The following SLC35F4 variants were observed in gnomAD, a reference collection of about 807,000 sequenced individuals.
SLC35F4 encodes the protein solute carrier family 35 member F4, also known as chromosome 14 open reading frame 36.
Under a neutral mutation model 44.2 loss-of-function variants are expected in SLC35F4, and 24 were observed. That is an observed-to-expected ratio of 0.54 (90% confidence interval 0.39 to 0.76). The LOEUF (loss-of-function observed/expected upper bound fraction) is 0.76, where lower values mean the gene tolerates loss of function less well. Among genes scored for constraint, SLC35F4 ranks in the 30% least tolerant of loss-of-function variants. The pLI is 0.00. For missense variants in SLC35F4, 562 were observed against 586.1 expected (o/e 0.96, Z 0.42); for synonymous variants, 238 against 223.6 (o/e 1.06, Z -0.57).
At chr14:57,601,979 T>TG (rs1225072741) in intron 1 of SLC35F4, among the ~76,000 whole-genome samples, 3 of 152,222 alleles carry the variant, frequency 2.0e-5, no homozygotes, top group Non-Finnish European at 4.4e-5. Context: ...TGTATCTCAC[T>TG]GCTTTTCCAT....
In SLC35F4 at chr14:57,745,395, C is replaced by G. The variant is rs562488035; in HGVS notation, c.103+120328G>C. Among the ~76,000 whole-genome samples the G allele has an allele frequency of 5.3e-5, 8 of 152,250 alleles. 1 individual carries two copies. The South Asian group carries it at 1.7e-3, about 32-fold the overall frequency. On this transcript the variant is annotated intron_variant, in intron 1 of 7. Coordinates refer to ENST00000556826, the MANE Select transcript of SLC35F4 (RefSeq NM_001306087.2). ...CTTAAACAAACGTAAAAGAAAAAATCAAGCAACCCCATCAAAAAGTCCACA... is the reference window on the plus strand; with the variant it reads ...CTTAAACAAACGTAAAAGAAAAAATGAAGCAACCCCATCAAAAAGTCCACA...
intron 1 of SLC35F4, among the ~76,000 whole-genome samples, chr14:57,853,296 A>T (rs1886755859): frequency 6.6e-6 from 1 of 152,184 alleles, no homozygotes; most frequent in Non-Finnish European, 1.5e-5. Flanking sequence ...TATTATCTAG[A>T]TTCACTCTAA....
chr14:57,982,585 G>A (rs1336609931), upstream of SLC35F4, among the ~76,000 whole-genome samples: 1 of 152,124 alleles, frequency 6.6e-6, no homozygotes, highest in Non-Finnish European at 1.5e-5. Flanking sequence ...GAGGAGGGGA[G>A]CCAGATCATG....
At chr14:57,795,517 T>C (rs2140828525) in intron 1 of SLC35F4, among the ~76,000 whole-genome samples, 1 of 152,356 alleles carries the variant, frequency 6.6e-6, no homozygotes, top group African/African-American at 2.4e-5. Context: ...AGTCTGCTTA[T>C]GTATTGATCC....
chr14:57,630,601 G>C (rs2072720839), intron 1 of SLC35F4: 1 of 865,056 alleles, frequency 1.2e-6, no homozygotes, highest in Non-Finnish European at 2.0e-6. Context: ...GAACCACCTA[G>C]ATCCAAATCT....
chr14:57,858,682 T>TA (rs1233311109), intron 1 of SLC35F4, among the ~76,000 whole-genome samples: 2 of 149,136 alleles, frequency 1.3e-5, no homozygotes, highest in African/African-American at 2.5e-5. Context: ...AGTATAATTT[T>TA]AAAAAAAGGA....
At chr14:57,858,287 C>T (rs1887322627) in intron 1 of SLC35F4, among the ~76,000 whole-genome samples, 1 of 151,958 alleles carries the variant, frequency 6.6e-6, no homozygotes, top group Admixed American at 6.5e-5. Flanking sequence ...ACCCAAATGT[C>T]CATAAATGAT....
intron 1 of SLC35F4, among the ~76,000 whole-genome samples, chr14:57,942,985 A>G (rs1215882837): frequency 6.6e-6 from 1 of 152,168 alleles, no homozygotes; most frequent in Non-Finnish European, 1.5e-5. Flanking sequence ...ACTAGGCTTG[A>G]ATCTAGTTTT....
Position 57,838,228 on chromosome 14 carries a change from CGAG to C in SLC35F4, c.103+27492_103+27494del, listed in dbSNP as rs1176837140. 2.6e-5 allele frequency among the ~76,000 whole-genome samples: 4 copies of C among 152,188 alleles called. No individual in the cohort carries two copies. In the South Asian group the frequency reaches 6.2e-4, roughly 24 times the overall value. ...TCTTCCTGGGCAGGTTTTGGAAAAGCGAGGAGAACAGAGGTGAGGCTTCAAGAG... is the reference window on the plus strand; with the variant it reads ...TCTTCCTGGGCAGGTTTTGGAAAAGCGAGAACAGAGGTGAGGCTTCAAGAG... On this transcript the variant is annotated intron_variant, in intron 1 of 7. Coordinates refer to ENST00000556826, the MANE Select transcript of SLC35F4 (RefSeq NM_001306087.2).
intron 1 of SLC35F4, among the ~76,000 whole-genome samples, chr14:57,772,353 C>T (rs2077384770): frequency 6.7e-6 from 1 of 149,824 alleles, no homozygotes; most frequent in Non-Finnish European, 1.5e-5. Context: ...ATAGCCTTCA[C>T]TGTTTTTTTT....
chr14:57,630,476 G>A, intron 1 of SLC35F4: 2 of 894,134 alleles, frequency 2.2e-6, no homozygotes, highest in East Asian at 2.4e-5. Flanking sequence ...AGAAATGAAG[G>A]CTGAATCACA....
intron 1 of SLC35F4, among the ~76,000 whole-genome samples, chr14:57,709,734 AG>A (rs1184137207): frequency 6.6e-6 from 1 of 152,156 alleles, no homozygotes; most frequent in Non-Finnish European, 1.5e-5. Flanking sequence ...AAGGTATCTA[AG>A]GGTAAGATCT....
At chr14:57,866,449 TAGTC>T (rs535124717), upstream of SLC35F4, among the ~76,000 whole-genome samples, 257 of 152,332 alleles carry the variant, frequency 1.7e-3, 2 homozygotes, top group African/African-American at 5.9e-3. Flanking sequence ...TCCCCCGCGT[TAGTC>T]AGTCCTTGCA....
At chr14:57,822,016 G>C (rs894885586) in intron 1 of SLC35F4, among the ~76,000 whole-genome samples, 22 of 152,132 alleles carry the variant, frequency 1.4e-4, no homozygotes, top group African/African-American at 3.6e-4. Context: ...GGTGCTTTAG[G>C]CTCTTGACTT....
intron 1 of SLC35F4, among the ~76,000 whole-genome samples, chr14:57,766,401 T>C (rs1447288961): frequency 6.6e-6 from 1 of 152,030 alleles, no homozygotes; most frequent in Non-Finnish European, 1.5e-5. Context: ...CACTCTTGGG[T>C]CAAAAAGAAG....
rs138302370 is a variant in SLC35F4, at chr14:57,601,101, AAT to A, written c.104-6979_104-6978del. ...CAGCTCTTAATTCATTTAATAAATA[AAT>A]ATGTTTTAAAATAACTTGGCTGTTG... On this transcript the variant is annotated intron_variant, in intron 1 of 7. Transcript: ENST00000556826. Among the ~76,000 whole-genome samples, 1,007 of 152,174 alleles carry A rather than the reference AAT, an allele frequency of 6.6e-3. 9 individuals carry two copies. Among genetic ancestry groups the A allele is most frequent in the African/African-American group, 0.023 (955 of 41,544 alleles).
At chr14:57,714,264 A>G (rs759406116) in intron 1 of SLC35F4, among the ~76,000 whole-genome samples, 5 of 152,110 alleles carry the variant, frequency 3.3e-5, no homozygotes, top group African/African-American at 1.2e-4. Context: ...TAATGCATCC[A>G]CTCTTTAAGC....
chr14:57,735,791 T>C (rs930497583), intron 1 of SLC35F4, among the ~76,000 whole-genome samples: 2 of 151,378 alleles, frequency 1.3e-5, no homozygotes, highest in African/African-American at 2.4e-5. Flanking sequence ...GGTGCAATCA[T>C]AGCTTACTGC....
At chr14:57,878,544 T>C (rs1283223817) in intron 1 of SLC35F4, among the ~76,000 whole-genome samples, 1 of 152,132 alleles carries the variant, frequency 6.6e-6, no homozygotes, top group Non-Finnish European at 1.5e-5. Context: ...CTATGGGCTT[T>C]CTCACCTCTG....
Sources: allele counts gnomAD v4.1 joint callset (sites outside exome capture counted in the v4.1 genomes callset), GRCh38; gene constraint gnomAD v4.1.1; transcripts MANE v1.5; gene names NCBI Gene and HGNC (gene_info 2026-07-23, HGNC 2026-07-21).